The following FAM174A variants were observed in gnomAD, a reference collection of about 807,000 sequenced individuals.
FAM174A encodes the protein family with sequence similarity 174 member A.
In FAM174A, 14 loss-of-function variants were observed where a neutral mutation model predicts 14.3. That is an observed-to-expected ratio of 0.98 (90% confidence interval 0.65 to 1.53). The LOEUF is 1.53. FAM174A is among the 40% of genes most tolerant of loss of function. FAM174A has a pLI of 0.00. For missense variants in FAM174A, 241 were observed against 249.6 expected, an observed-to-expected ratio of 0.97 and a Z score of 0.23; for synonymous variants, 108 against 111.4, an observed-to-expected ratio of 0.97 and a Z score of 0.19.
chr5:100,579,322 G>A (rs1392214143), intron 2 of FAM174A, among the ~76,000 whole-genome samples: 1 of 151,960 alleles, frequency 6.6e-6, no homozygotes, highest in Non-Finnish European at 1.5e-5. Flanking sequence ...GTTCTGTGGA[G>A]ACACACTTCA....
intron 1 of FAM174A, among the ~76,000 whole-genome samples, chr5:100,542,312 T>G (rs1746073180): frequency 6.6e-6 from 1 of 152,234 alleles, no homozygotes; most frequent in East Asian, 1.9e-4. Context: ...TTTTTATCCC[T>G]GGACAAATCT....
At chr5:100,555,075 C>T (rs1440981669) in intron 1 of FAM174A, among the ~76,000 whole-genome samples, 1 of 151,922 alleles carries the variant, frequency 6.6e-6, no homozygotes, top group East Asian at 1.9e-4. Context: ...CTATCCCTCC[C>T]CCCTACCCCC....
chr5:100,546,247 C>G, intron 1 of FAM174A, among the ~76,000 whole-genome samples: 1 of 152,164 alleles, frequency 6.6e-6, no homozygotes, highest in East Asian at 1.9e-4. Flanking sequence ...GTTGTCAGAG[C>G]TTGGTGAGAG....
intron 2 of FAM174A, among the ~76,000 whole-genome samples, chr5:100,571,384 T>C (rs1746775889): frequency 6.6e-6 from 1 of 151,528 alleles, no homozygotes; most frequent in Admixed American, 6.6e-5. Flanking sequence ...TTAATATACA[T>C]AGAGCTATTC....
chr5:100,558,304 A>G (rs1746441267), intron 1 of FAM174A, among the ~76,000 whole-genome samples: 1 of 152,112 alleles, frequency 6.6e-6, no homozygotes, highest in Admixed American at 6.6e-5. Context: ...TCTGAGATAC[A>G]GTTTGTTATA....
intron 1 of FAM174A, among the ~76,000 whole-genome samples, chr5:100,559,328 C>T (rs547110018): frequency 6.6e-6 from 1 of 152,210 alleles, no homozygotes; most frequent in South Asian, 2.1e-4. Context: ...GATGGGCTTC[C>T]CTTTGTGGGT....
chr5:100,536,002 G>C (rs746111753), intron 1 of FAM174A, 38 bp downstream of exon 1: 3 of 1,514,848 alleles, frequency 2.0e-6, no homozygotes, highest in South Asian at 2.6e-5. Flanking sequence ...CCGTGGGCCT[G>C]AGATACGCAG....
chr5:100,554,782 T>C (rs1252368263), intron 1 of FAM174A, among the ~76,000 whole-genome samples: 5 of 152,124 alleles, frequency 3.3e-5, no homozygotes, highest in African/African-American at 1.2e-4. Flanking sequence ...TCTATCTGTC[T>C]ATCTATCTAT....
intron 2 of FAM174A, among the ~76,000 whole-genome samples, chr5:100,563,087 CATCT>C (rs1449256481): frequency 2.0e-5 from 3 of 151,688 alleles, no homozygotes; most frequent in Non-Finnish European, 2.9e-5. Flanking sequence ...TATGTCTATC[CATCT>C]ATCTATCTAA....
chr5:100,579,993 T>C (rs1408587216), intron 2 of FAM174A, among the ~76,000 whole-genome samples: 4 of 152,244 alleles, frequency 2.6e-5, no homozygotes, highest in Non-Finnish European at 5.9e-5. Flanking sequence ...TATAGTTTAC[T>C]ATTCTCTTTT....
intron 1 of FAM174A, among the ~76,000 whole-genome samples, chr5:100,558,510 G>C (rs1316152256): frequency 6.6e-6 from 1 of 152,010 alleles, no homozygotes; most frequent in Non-Finnish European, 1.5e-5. Context: ...TTTCTGTCTG[G>C]TTGATCTGTC....
chr5:100,551,202 G>A (rs749629222), intron 1 of FAM174A, among the ~76,000 whole-genome samples: 6 of 152,132 alleles, frequency 3.9e-5, no homozygotes, highest in Non-Finnish European at 8.8e-5. Context: ...CCTTGTGATT[G>A]TGGCAGCCAT....
intron 1 of FAM174A, among the ~76,000 whole-genome samples, chr5:100,548,469 T>C (rs947493272): frequency 7.2e-5 from 11 of 152,048 alleles, no homozygotes; most frequent in African/African-American, 1.9e-4. Flanking sequence ...ATTATCTAGT[T>C]TGGTATAATG....
intron 1 of FAM174A, among the ~76,000 whole-genome samples, chr5:100,546,755 C>T (rs1746172350): frequency 6.6e-6 from 1 of 152,106 alleles, no homozygotes; most frequent in Non-Finnish European, 1.5e-5. Context: ...AAAACTATCC[C>T]AATTCTTCAA....
chr5:100,569,203 T>A (rs1327852663), intron 2 of FAM174A, among the ~76,000 whole-genome samples: 1 of 152,032 alleles, frequency 6.6e-6, no homozygotes, highest in Non-Finnish European at 1.5e-5. Context: ...TTACATAAGA[T>A]GTAATATGCT....
At position 100,580,566 on chromosome 5, in the gene FAM174A, C is replaced by T. The variant is rs544886896; in HGVS notation, c.570-5615C>T. 4.6e-5 allele frequency among the ~76,000 whole-genome samples: 7 copies of T among 152,280 alleles called. No individual in the cohort carries two copies. In the South Asian group the frequency reaches 6.2e-4, roughly 14 times the overall value. ...GCCAGTCTCTCACATTTTTCTGCCG[C>T]GTATATTCTAGCCATGCTGGCGCTG... is the stretch of plus-strand genomic sequence containing the variant. On this transcript the variant is annotated intron_variant, in intron 2 of 2. Transcript: ENST00000312637.
chr5:100,542,352 A>T (rs1174388334), intron 1 of FAM174A, among the ~76,000 whole-genome samples: 11 of 152,184 alleles, frequency 7.2e-5, no homozygotes. Flanking sequence ...GGAGAATAAC[A>T]CCATCATCTA....
chr5:100,557,680 C>T (rs1023754299), intron 1 of FAM174A, among the ~76,000 whole-genome samples: 96 of 151,962 alleles, frequency 6.3e-4, no homozygotes, highest in Admixed American at 1.4e-3. Context: ...GTGTATGTGT[C>T]GAGGAATTTA....
intron 1 of FAM174A, among the ~76,000 whole-genome samples, chr5:100,556,849 C>T (rs983526819): frequency 5.9e-5 from 9 of 152,102 alleles, no homozygotes; most frequent in Admixed American, 1.3e-4. Flanking sequence ...TGGGCTGAGA[C>T]GATGGGGTTT....
Sources: gnomAD v4.1 joint callset for allele counts (sites outside exome capture counted in the v4.1 genomes callset) on GRCh38, gnomAD v4.1.1 for gene constraint, MANE v1.5 for transcripts, NCBI Gene and HGNC (gene_info 2026-07-23, HGNC 2026-07-21) for gene names.